The following FABP6 variants were observed in gnomAD, a reference collection of about 807,000 sequenced individuals.
FABP6 encodes the protein fatty acid binding protein 6, also known as gastrotropin.
A neutral mutation model predicts 14.9 loss-of-function variants in FABP6; 13 were observed. The ratio of observed to expected loss-of-function variants is 0.87; its 90% CI spans 0.57 to 1.39. The LOEUF (loss-of-function observed/expected upper bound fraction) is 1.39, where lower values mean the gene tolerates loss of function less well. Ranked by LOEUF, FABP6 falls within the 40% of genes most tolerant of loss-of-function variation. The pLI, the probability that FABP6 is intolerant of heterozygous loss-of-function variation, is 0.00. For missense variants in FABP6, 161 were observed against 167.2 expected (o/e 0.96, Z 0.20); for synonymous variants, 75 against 63.6 (o/e 1.18, Z -0.85).
intron 3 of FABP6, among the ~76,000 whole-genome samples, chr5:160,235,518 C>T (rs1332721050): frequency 1.3e-5 from 2 of 152,236 alleles, no homozygotes; most frequent in African/African-American, 4.8e-5. Flanking sequence ...GGCCCTTCCT[C>T]TCACTTCTGT....
chr5:160,216,884 C>G (rs1183129736), intron 3 of FABP6, among the ~76,000 whole-genome samples: 2 of 152,148 alleles, frequency 1.3e-5, no homozygotes, highest in Non-Finnish European at 2.9e-5. Flanking sequence ...CAATCAGTCT[C>G]CAAGACCCTG....
Position 160,232,196 on chromosome 5 carries a change from G to A in FABP6, c.166G>A (p.Gly56Arg), listed in dbSNP as rs140576066. 3.0e-5 allele frequency: 49 copies of A among 1,613,168 alleles called. No individual in the cohort carries two copies. The highest frequency in any genetic ancestry group is 3.5e-5 in the Non-Finnish European group (41 of 1,179,666). ...CTTCACTTGGTCCCAGCACTACTCC[G>A]GGGGCCACACCATGACCAACAAGTT... ...QDFTWSQHYS[G>R]GHTMTNKFTV... The change falls in exon 2 of 4, where the codon GGG becomes AGG. Residue 56 changes from glycine to arginine, a missense_variant. Gly to Arg is a moderately radical substitution (Grantham distance 125). Transcript: ENST00000402432.
At chr5:160,207,426 G>A (rs1258966198) in intron 2 of FABP6, among the ~76,000 whole-genome samples, 1 of 152,170 alleles carries the variant, frequency 6.6e-6, no homozygotes, top group Non-Finnish European at 1.5e-5. Context: ...TAGGTTTTCT[G>A]CTCTAAATTA....
intron 1 of FABP6, among the ~76,000 whole-genome samples, chr5:160,192,818 TAAG>T (rs1759424450): frequency 6.6e-6 from 1 of 152,230 alleles, no homozygotes; most frequent in Non-Finnish European, 1.5e-5. Flanking sequence ...CTGGATCATA[TAAG>T]AAATCCCACG....
intron 1 of FABP6, among the ~76,000 whole-genome samples, chr5:160,230,389 C>G (rs1760352809): frequency 6.6e-6 from 1 of 151,998 alleles, no homozygotes; most frequent in Admixed American, 6.6e-5. Context: ...GAGACGGAGT[C>G]TTGCTCTGTC....
chr5:160,206,619 G>T (rs1759773048), intron 2 of FABP6, among the ~76,000 whole-genome samples: 1 of 152,090 alleles, frequency 6.6e-6, no homozygotes, highest in South Asian at 2.1e-4. Context: ...CGGGCAGTAT[G>T]CATTTCTACA....
chr5:160,212,772 A>G (rs769939728), intron 2 of FABP6, among the ~76,000 whole-genome samples: 2 of 152,098 alleles, frequency 1.3e-5, no homozygotes, highest in Non-Finnish European at 2.9e-5. Flanking sequence ...CCCGGCCACA[A>G]CTGGCTAATT....
intron 2 of FABP6, chr5:160,213,626 A>G: frequency 4.6e-6 from 4 of 876,034 alleles, no homozygotes; most frequent in Non-Finnish European, 7.6e-6. Flanking sequence ...ATTGCTTGCA[A>G]TTAAGAGCGC....
At chr5:160,211,497 G>A (rs1387049538) in intron 2 of FABP6, among the ~76,000 whole-genome samples, 1 of 152,140 alleles carries the variant, frequency 6.6e-6, no homozygotes, top group African/African-American at 2.4e-5. Flanking sequence ...CTGTCAACGA[G>A]GACACCCCAG....
chr5:160,236,014 C>A (rs1381376911), intron 3 of FABP6, among the ~76,000 whole-genome samples: 1 of 145,784 alleles, frequency 6.9e-6, no homozygotes, highest in African/African-American at 2.5e-5. Flanking sequence ...TCTCTCATGT[C>A]TGTTTTTTTT....
chr5:160,213,855 C>G (rs781076150), intron 3 of FABP6: 34 of 1,556,798 alleles, frequency 2.2e-5, no homozygotes, highest in Non-Finnish European at 2.8e-5. Flanking sequence ...GGGTTCCTGA[C>G]GTTTTTCAGA....
At chr5:160,220,905 T>C (rs181279209) in intron 3 of FABP6, among the ~76,000 whole-genome samples, 5 of 151,748 alleles carry the variant, frequency 3.3e-5, no homozygotes, top group Admixed American at 6.6e-5. Flanking sequence ...CTGGCCAACA[T>C]GGTGAAACCC....
chr5:160,226,151 C>T (rs750044758), upstream of FABP6, among the ~76,000 whole-genome samples: 1 of 150,070 alleles, frequency 6.7e-6, no homozygotes, highest in African/African-American at 2.5e-5. Flanking sequence ...CCAGCCTGGG[C>T]GATAGAGTGA....
intron 3 of FABP6, among the ~76,000 whole-genome samples, chr5:160,236,557 T>C (rs1042057753): frequency 2.6e-5 from 4 of 152,206 alleles, no homozygotes; most frequent in African/African-American, 9.7e-5. Context: ...GACTTGGCCG[T>C]GGCCACACAA....
intron 3 of FABP6, among the ~76,000 whole-genome samples, chr5:160,215,478 A>G (rs974444659): frequency 1.5e-4 from 22 of 151,074 alleles, no homozygotes; most frequent in African/African-American, 5.4e-4. Flanking sequence ...ATGCCACTGC[A>G]CTCCAGCCTG....
intron 1 of FABP6, chr5:160,197,936 GTGTGTGTGTGTGTGTGTA>G (rs1488737636): frequency 1.2e-3 from 171 of 146,424 alleles, no homozygotes; most frequent in Middle Eastern, 3.4e-3. Flanking sequence ...GTGTGTGTGT[GTGTGTGTGTGTGTGTGTA>G]TGTGTGTGTG....
intron 1 of FABP6, among the ~76,000 whole-genome samples, chr5:160,189,533 G>A (rs963763668): frequency 4.6e-5 from 7 of 152,018 alleles, no homozygotes; most frequent in Admixed American, 6.6e-5. Context: ...ATGAGCCACC[G>A]CGTCAGGCCA....
At chr5:160,213,836 G>A in intron 3 of FABP6, 1 of 1,602,904 alleles carries the variant, frequency 6.2e-7, no homozygotes, top group Non-Finnish European at 8.5e-7. Flanking sequence ...GGTAGAAGAA[G>A]GGAGGGAAGG....
At chr5:160,187,761 A>T (rs1759315148) in intron 1 of FABP6, among the ~76,000 whole-genome samples, 1 of 151,818 alleles carries the variant, frequency 6.6e-6, no homozygotes, top group Admixed American at 6.6e-5. Context: ...TTATTTATTT[A>T]TTTATTTTTT....
Sources: gnomAD v4.1 joint callset for allele counts (sites outside exome capture counted in the v4.1 genomes callset) on GRCh38, gnomAD v4.1.1 for gene constraint, MANE v1.5 for transcripts, NCBI Gene and HGNC (gene_info 2026-07-23, HGNC 2026-07-21) for gene names.